GARRE1: variants seen among roughly 807,000 people sequenced by gnomAD.
GARRE1 encodes granule associated Rac and RHOG effector 1, also known as granule associated Rac and RHOG effector protein 1.
A neutral mutation model predicts 103.2 loss-of-function variants in GARRE1; 49 were observed. That is an observed-to-expected ratio of 0.47 (90% CI 0.38 to 0.60). The LOEUF (loss-of-function observed/expected upper bound fraction) is 0.60. Among genes scored for constraint, GARRE1 ranks in the 20% least tolerant of loss-of-function variants. GARRE1 has a pLI of 0.00. For missense variants in GARRE1, 1,199 were observed against 1,370.5 expected (o/e 0.87, Z 1.98); for synonymous variants, 505 against 532.8 (o/e 0.95, Z 0.72).
At chr19:34,342,734 G>T (rs990189924) in intron 10 of GARRE1, among the ~76,000 whole-genome samples, 1 of 152,154 alleles carries the variant, frequency 6.6e-6, no homozygotes, top group Non-Finnish European at 1.5e-5. Context: ...AAGTCCCATA[G>T]TTCAAGTAGG....
At chr19:34,348,668 A>G (rs986032129) in intron 11 of GARRE1, 1 of 169,482 alleles carries the variant, frequency 5.9e-6, no homozygotes, top group African/African-American at 2.4e-5. Flanking sequence ...GTTTGTTGCA[A>G]AGGTTAATGT....
At chr19:34,352,059 T>C (rs2074239975) in intron 13 of GARRE1, among the ~76,000 whole-genome samples, 1 of 151,810 alleles carries the variant, frequency 6.6e-6, no homozygotes, top group African/African-American at 2.4e-5. Context: ...GATTGCACCA[T>C]TGCACTCCAG....
chr19:34,298,083 C>A (rs1272133639), intron 1 of GARRE1, among the ~76,000 whole-genome samples: 2 of 152,070 alleles, frequency 1.3e-5, no homozygotes, highest in Non-Finnish European at 2.9e-5. Flanking sequence ...ACCTGGTTAT[C>A]AATAAGTAGA....
At chr19:34,259,647 G>C (rs2073702203) in intron 1 of GARRE1, among the ~76,000 whole-genome samples, 1 of 152,046 alleles carries the variant, frequency 6.6e-6, no homozygotes, top group Admixed American at 6.6e-5. Flanking sequence ...GCGTGGAAAT[G>C]ATGAAGTTTT....
intron 1 of GARRE1, among the ~76,000 whole-genome samples, chr19:34,264,489 C>G (rs1181510938): frequency 6.6e-6 from 1 of 151,998 alleles, no homozygotes; most frequent in East Asian, 1.9e-4. Flanking sequence ...AGCTCTGCCT[C>G]CCCGGTTCAC....
intron 10 of GARRE1, among the ~76,000 whole-genome samples, chr19:34,344,840 AT>A (rs539157165): frequency 0.1 from 14,007 of 139,228 alleles, 1,038 homozygotes; most frequent in African/African-American, 0.21. Context: ...CACCCAGCTA[AT>A]TTTTTTTTTT....
At chr19:34,258,131 C>T (rs1395246779) in intron 1 of GARRE1, among the ~76,000 whole-genome samples, 3 of 152,052 alleles carry the variant, frequency 2.0e-5, no homozygotes, top group Non-Finnish European at 2.9e-5. Context: ...CTCAAAAGTG[C>T]TGGGATTACA....
At chr19:34,326,409 TAAATC>T (rs1424740534) in intron 3 of GARRE1, among the ~76,000 whole-genome samples, 1 of 152,238 alleles carries the variant, frequency 6.6e-6, no homozygotes, top group African/African-American at 2.4e-5. Context: ...TCCCATCTAA[TAAATC>T]AAATATATAT....
At chr19:34,296,460 C>A in intron 1 of GARRE1, 1 of 1,593,110 alleles carries the variant, frequency 6.3e-7, no homozygotes, top group Non-Finnish European at 8.5e-7. Flanking sequence ...GTAGGCAAGT[C>A]GATCGAGCTT....
At chr19:34,331,194 CG>C (rs2074136286) in intron 7 of GARRE1, among the ~76,000 whole-genome samples, 2 of 151,168 alleles carry the variant, frequency 1.3e-5, no homozygotes, top group African/African-American at 4.9e-5. Flanking sequence ...CCACCACACC[CG>C]GCCCTTAAAA....
intron 1 of GARRE1, among the ~76,000 whole-genome samples, chr19:34,272,325 G>C (rs1316458966): frequency 6.6e-6 from 1 of 152,094 alleles, no homozygotes; most frequent in Non-Finnish European, 1.5e-5. Flanking sequence ...GTGATTCCCA[G>C]ATAGCTGGGA....
At chr19:34,269,182 C>T (rs985012955) in intron 1 of GARRE1, among the ~76,000 whole-genome samples, 6 of 152,170 alleles carry the variant, frequency 3.9e-5, no homozygotes, top group African/African-American at 4.8e-5. Flanking sequence ...CATAGAGGAA[C>T]GCCATGGTTT....
intron 2 of GARRE1, among the ~76,000 whole-genome samples, chr19:34,308,238 CTTTTTTTT>C (rs753284001): frequency 1.0e-5 from 1 of 99,506 alleles, no homozygotes; most frequent in African/African-American, 3.8e-5. Context: ...CATCCTGTTC[CTTTTTTTT>C]TTTTTTTTTT....
intron 12 of GARRE1, among the ~76,000 whole-genome samples, chr19:34,350,400 G>C (rs1442934552): frequency 6.6e-6 from 1 of 152,126 alleles, no homozygotes; most frequent in African/African-American, 2.4e-5. Flanking sequence ...TGACTGATTC[G>C]ACTTCTAAGA....
At chr19:34,303,284 A>T (rs1045003965) in intron 2 of GARRE1, among the ~76,000 whole-genome samples, 5 of 152,186 alleles carry the variant, frequency 3.3e-5, no homozygotes, top group Non-Finnish European at 5.9e-5. Context: ...AAGTTCTTGG[A>T]TATGAGATCC....
chr19:34,266,233 C>T (rs1275891243), intron 1 of GARRE1, among the ~76,000 whole-genome samples: 1 of 152,222 alleles, frequency 6.6e-6, no homozygotes, highest in African/African-American at 2.4e-5. Context: ...CCACTGCGGG[C>T]CTGCTCTCTG....
chr19:34,301,746 G>A (rs2073980285), intron 2 of GARRE1, among the ~76,000 whole-genome samples: 1 of 146,278 alleles, frequency 6.8e-6, no homozygotes, highest in Non-Finnish European at 1.5e-5. Flanking sequence ...GCGGTGGCAC[G>A]ATCTCGGCTC....
intron 3 of GARRE1, among the ~76,000 whole-genome samples, chr19:34,320,953 A>G (rs1599771825): frequency 7.2e-6 from 1 of 138,350 alleles, no homozygotes; most frequent in Non-Finnish European, 1.5e-5. Flanking sequence ...TATGTTGTCC[A>G]GGTTGGTCTT....
At chr19:34,271,244 T>C (rs570733132) in intron 1 of GARRE1, among the ~76,000 whole-genome samples, 8 of 150,264 alleles carry the variant, frequency 5.3e-5, no homozygotes, top group South Asian at 2.1e-4. Context: ...CTGTGCACTT[T>C]CTTTTTTTTT....
Sources: allele counts gnomAD v4.1 joint callset (sites outside exome capture counted in the v4.1 genomes callset), GRCh38; gene constraint gnomAD v4.1.1; transcripts MANE v1.5; gene names NCBI Gene and HGNC (gene_info 2026-07-23, HGNC 2026-07-21).